The following CDH12 variants were observed in gnomAD, a reference collection of about 807,000 sequenced individuals.
CDH12 encodes the protein cadherin 12.
In CDH12, 41 loss-of-function variants were observed where a neutral mutation model predicts 74.1. The observed-to-expected ratio is 0.55, with a 90% CI of 0.43 to 0.72. The LOEUF is 0.72. CDH12 is among the 30% of genes least tolerant of loss of function. The pLI, the probability that CDH12 is intolerant of heterozygous loss-of-function variation, is 0.00. For missense variants in CDH12, 945 were observed against 977.2 expected (o/e 0.97, Z 0.44); for synonymous variants, 399 against 355.0 (o/e 1.12, Z -1.39).
chr5:22,389,733 C>G (rs149633406), intron 3 of CDH12, among the ~76,000 whole-genome samples: 3 of 150,624 alleles, frequency 2.0e-5, no homozygotes, highest in Non-Finnish European at 4.4e-5. Flanking sequence ...CTGCAAGCTC[C>G]GCCTCCCGGG....
At chr5:22,599,639 A>G (rs1159626411) in intron 1 of CDH12, among the ~76,000 whole-genome samples, 1 of 152,250 alleles carries the variant, frequency 6.6e-6, no homozygotes, top group Non-Finnish European at 1.5e-5. Flanking sequence ...TTTAGAGTCA[A>G]ACACCAATGG....
chr5:22,618,216 ATGAATCCACTG>A (rs1737786509), intron 1 of CDH12, among the ~76,000 whole-genome samples: 1 of 152,164 alleles, frequency 6.6e-6, no homozygotes, highest in Non-Finnish European at 1.5e-5. Context: ...CAGGACACAC[ATGAATCCACTG>A]TGAGATACAG....
At chr5:22,523,471 C>G (rs757165782) in intron 1 of CDH12, among the ~76,000 whole-genome samples, 2 of 152,196 alleles carry the variant, frequency 1.3e-5, no homozygotes, top group African/African-American at 2.4e-5. Flanking sequence ...CTGAAGCTCA[C>G]ATTTCAAAGT....
intron 3 of CDH12, among the ~76,000 whole-genome samples, chr5:22,231,105 G>A (rs1208985333): frequency 6.6e-6 from 1 of 152,138 alleles, no homozygotes; most frequent in South Asian, 2.1e-4. Flanking sequence ...CCTATTTTAT[G>A]ACAATCATGA....
At chr5:22,764,735 C>T (rs113894363) in intron 1 of CDH12, among the ~76,000 whole-genome samples, 14 of 152,060 alleles carry the variant, frequency 9.2e-5, no homozygotes, top group African/African-American at 2.9e-4. Context: ...ATCACTTCCG[C>T]GGCATTCCTG....
At chr5:21,845,555 C>CT (rs11437870) in intron 7 of CDH12, among the ~76,000 whole-genome samples, 11,311 of 133,728 alleles carry the variant, frequency 0.085, 538 homozygotes, top group South Asian at 0.13. Context: ...CCACTTTAGT[C>CT]TTTTTTTTTT....
chr5:21,975,544 T>C (rs910356442), intron 5 of CDH12, among the ~76,000 whole-genome samples, 159 bp from the exon 6 acceptor site: 4 of 152,128 alleles, frequency 2.6e-5, no homozygotes. Context: ...TTCTCGTTTT[T>C]TATTTCTCCA....
chr5:22,457,707 T>C (rs1324574094), intron 2 of CDH12, among the ~76,000 whole-genome samples: 3 of 151,542 alleles, frequency 2.0e-5, no homozygotes, highest in Non-Finnish European at 2.9e-5. Flanking sequence ...GCCTCCTGGG[T>C]AGCTTGGATT....
intron 1 of CDH12, among the ~76,000 whole-genome samples, chr5:22,626,659 C>A (rs1288064259): frequency 6.6e-6 from 1 of 152,164 alleles, no homozygotes; most frequent in African/African-American, 2.4e-5. Flanking sequence ...AGAACCAGCA[C>A]AAGAACTCTG....
rs541325912 is a variant in CDH12, at chr5:22,405,362, T to C, written c.-427-11A>G. On this transcript the variant is annotated splice_polypyrimidine_tract_variant and intron_variant, in intron 2 of 14. Transcript: ENST00000382254. ...CACTGGACATCAAAGCTGAAAAATA[T>C]GTAAAGAAAATGCTTTAAGAATATG... The C allele has an allele frequency of 6.4e-5, 55 of 860,042 alleles. No individual in the cohort carries two copies. Among genetic ancestry groups the C allele is most frequent in the Middle Eastern group, 1.2e-3 (2 of 1,686 alleles). The allele number at this position is 860,042 out of a possible 1,614,324, so 53.3% of individuals were successfully genotyped here. A position where few individuals can be genotyped will look rare whatever the true frequency, so the allele number is the denominator to read the frequency against.
At chr5:21,831,757 G>A (rs879889077) in intron 8 of CDH12, among the ~76,000 whole-genome samples, 20 of 152,004 alleles carry the variant, frequency 1.3e-4, no homozygotes, top group Non-Finnish European at 2.6e-4. Flanking sequence ...TTGCAGGAAG[G>A]CCAAAAGGTG....
chr5:22,698,717 A>G (rs1742535316), intron 1 of CDH12, among the ~76,000 whole-genome samples: 2 of 30,766 alleles, frequency 6.5e-5, no homozygotes, highest in Non-Finnish European at 5.6e-5. Flanking sequence ...ATATATATAT[A>G]TATATATATA....
intron 1 of CDH12, among the ~76,000 whole-genome samples, chr5:22,719,031 G>A (rs1002942421): frequency 3.3e-5 from 5 of 151,880 alleles, no homozygotes; most frequent in East Asian, 1.9e-4. Context: ...TATCCCACCC[G>A]ATGGTGGTTG....
chr5:22,539,373 G>C (rs896604553), intron 1 of CDH12, among the ~76,000 whole-genome samples: 5 of 152,148 alleles, frequency 3.3e-5, no homozygotes, highest in South Asian at 2.1e-4. Context: ...AAGGTGTTAA[G>C]CACATAGTTA....
chr5:21,854,747 C>T lies in CDH12; in HGVS notation c.570G>A (p.Pro190=), dbSNP rs545844887. The part of the protein sequence containing the change: ...LQVKATDADD[P]TYGNSARVVY... ...CGACTCTGGCACTGTTTCCATAGGTCGGGTCATCTGCATCTGTGGCCTTGA... is the reference window on the plus strand; with the variant it reads ...CGACTCTGGCACTGTTTCCATAGGTTGGGTCATCTGCATCTGTGGCCTTGA... Residue 190 remains proline (P), a synonymous_variant, in exon 7 of 15, where the codon CCG becomes CCA. Transcript: ENST00000382254. The T allele has an allele frequency of 2.8e-5, 45 of 1,608,908 alleles. No homozygotes were observed. In the African/African-American group the frequency reaches 3.9e-4, roughly 14 times the overall value.
chr5:22,199,956 A>G (rs533997450), intron 4 of CDH12, among the ~76,000 whole-genome samples: 1 of 152,352 alleles, frequency 6.6e-6, no homozygotes, highest in African/African-American at 2.4e-5. Flanking sequence ...ACCTGGACCC[A>G]GATGACCCAA....
rs900758674 is a variant in CDH12, at chr5:21,835,357, GTA to G, written c.814+6802_814+6803del. Among the ~76,000 whole-genome samples, 38 of 149,054 alleles carry G rather than the reference GTA, an allele frequency of 2.5e-4. No individual in the cohort carries two copies. The South Asian group carries it at 4.6e-3, about 18-fold the overall frequency. ...TGCTCAGACTGTATATATATGTTAC[GTA>G]TGTGTGTGTATATATATATATATGT... On this transcript the variant is annotated intron_variant, in intron 8 of 14. Transcript: ENST00000382254.
At position 22,212,649 on chromosome 5, in the gene CDH12, G is replaced by C; in HGVS notation, c.-332-6C>G. 4 of 969,836 alleles carry C rather than the reference G, an allele frequency of 4.1e-6. No individual in the cohort carries two copies. The highest frequency in any genetic ancestry group is 4.9e-6 in the Non-Finnish European group (4 of 815,500). The allele number at this position is 969,836 out of a possible 1,614,324, so 60.1% of individuals were successfully genotyped here. A position where few individuals can be genotyped will look rare whatever the true frequency, so the allele number is the denominator to read the frequency against. ...TATGTTGAGCTCCTCACTGTCTAAG[G>C]AGAGAAAAACATCAGCTGAAATCCT... On this transcript the variant is annotated splice_polypyrimidine_tract_variant and splice_region_variant and intron_variant, in intron 3 of 14. Coordinates refer to ENST00000382254, the MANE Select transcript of CDH12 (RefSeq NM_004061.5).
intron 3 of CDH12, among the ~76,000 whole-genome samples, chr5:22,334,625 CA>C (rs1041887988): frequency 1.8e-4 from 27 of 152,264 alleles, no homozygotes; most frequent in African/African-American, 6.5e-4. Flanking sequence ...GTAATCAAAA[CA>C]GCATGATACT....
Sources: allele counts gnomAD v4.1 joint callset (sites outside exome capture counted in the v4.1 genomes callset), GRCh38; gene constraint gnomAD v4.1.1; transcripts MANE v1.5; gene names NCBI Gene and HGNC (gene_info 2026-07-23, HGNC 2026-07-21).